Variants in EFNA5 observed in about 807,000 individuals in gnomAD.
The protein encoded by EFNA5 is ephrin-A5.
Under a neutral mutation model 22.9 loss-of-function variants are expected in EFNA5, and 5 were observed. The ratio of observed to expected loss-of-function variants is 0.22; its 90% confidence interval spans 0.11 to 0.46. EFNA5 has a LOEUF of 0.46. EFNA5 is among the 20% of genes least tolerant of loss of function. The probability of loss-of-function intolerance (pLI) is 0.99; values close to 1 mark genes in which losing one functional copy is unlikely to be tolerated. For synonymous variants in EFNA5, 113 were observed against 112.2 expected (o/e 1.01, Z -0.04); for missense variants, 237 against 293.3 (o/e 0.81, Z 1.40).
intron 1 of EFNA5, among the ~76,000 whole-genome samples, chr5:107,470,705 ATAAAC>A (rs1468674771): frequency 6.6e-6 from 1 of 152,158 alleles, no homozygotes; most frequent in Non-Finnish European, 1.5e-5. Flanking sequence ...CTGATAATGG[ATAAAC>A]TAAACTTTTT....
At chr5:107,586,630 C>G (rs1405021929) in intron 1 of EFNA5, among the ~76,000 whole-genome samples, 2 of 152,114 alleles carry the variant, frequency 1.3e-5, no homozygotes, top group Non-Finnish European at 2.9e-5. Flanking sequence ...CATTTAAAAT[C>G]CAAGGAGTGG....
At chr5:107,497,939 G>A (rs985542951) in intron 1 of EFNA5, among the ~76,000 whole-genome samples, 15 of 151,964 alleles carry the variant, frequency 9.9e-5, no homozygotes, top group Admixed American at 2.6e-4. Flanking sequence ...TTTTTGAGAC[G>A]GAGTCTCAAT....
intron 1 of EFNA5, among the ~76,000 whole-genome samples, chr5:107,448,226 G>C (rs1182406590): frequency 6.6e-6 from 1 of 152,248 alleles, no homozygotes; most frequent in Non-Finnish European, 1.5e-5. Flanking sequence ...TCATTAAGGA[G>C]TCTACTGCAT....
intron 1 of EFNA5, among the ~76,000 whole-genome samples, chr5:107,623,787 G>A (rs1666783590): frequency 6.6e-6 from 1 of 151,460 alleles, no homozygotes; most frequent in Admixed American, 6.6e-5. Context: ...CTAAGGATGT[G>A]CTAATTCTTT....
At chr5:107,444,909 C>T (rs1382620123) in intron 1 of EFNA5, among the ~76,000 whole-genome samples, 1 of 152,020 alleles carries the variant, frequency 6.6e-6, no homozygotes, top group East Asian at 1.9e-4. Context: ...TAAATGCTTA[C>T]CGTTTATGGG....
At chr5:107,633,484 C>T (rs984816124) in intron 1 of EFNA5, among the ~76,000 whole-genome samples, 6 of 152,252 alleles carry the variant, frequency 3.9e-5, no homozygotes, top group Non-Finnish European at 7.3e-5. Context: ...GCCGGGGCCC[C>T]GCGCCTCATG....
At chr5:107,474,634 T>C (rs1249257362) in intron 1 of EFNA5, among the ~76,000 whole-genome samples, 1 of 152,198 alleles carries the variant, frequency 6.6e-6, no homozygotes, top group Non-Finnish European at 1.5e-5. Flanking sequence ...GATGGCTTTA[T>C]CCTGTTGAAG....
chr5:107,535,596 T>G (rs571642775), intron 1 of EFNA5, among the ~76,000 whole-genome samples: 2 of 152,130 alleles, frequency 1.3e-5, no homozygotes, highest in Non-Finnish European at 2.9e-5. Context: ...AGAAACTATA[T>G]ATTCTTAAAT....
At chr5:107,480,122 C>T (rs1195850713) in intron 1 of EFNA5, among the ~76,000 whole-genome samples, 1 of 152,132 alleles carries the variant, frequency 6.6e-6, no homozygotes, top group African/African-American at 2.4e-5. Context: ...ATTTCCATGT[C>T]CCAAGTGCCC....
At chr5:107,514,760 A>T (rs1384608886) in intron 1 of EFNA5, among the ~76,000 whole-genome samples, 1 of 152,110 alleles carries the variant, frequency 6.6e-6, no homozygotes, top group African/African-American at 2.4e-5. Flanking sequence ...CTCTACAAGG[A>T]TTCTATGAGG....
chr5:107,447,856 TC>T (rs1403880109), intron 1 of EFNA5, among the ~76,000 whole-genome samples: 2 of 151,774 alleles, frequency 1.3e-5, no homozygotes, highest in African/African-American at 4.8e-5. Flanking sequence ...TCTTTTTATT[TC>T]CCCCCTCTGA....
intron 1 of EFNA5, among the ~76,000 whole-genome samples, chr5:107,490,114 A>C (rs1225389811): frequency 6.6e-6 from 1 of 152,168 alleles, no homozygotes; most frequent in Non-Finnish European, 1.5e-5. Context: ...AATTAATTCT[A>C]GGATTATGTT....
chr5:107,528,277 T>A (rs1023774647), intron 1 of EFNA5, among the ~76,000 whole-genome samples: 13 of 152,196 alleles, frequency 8.5e-5, no homozygotes, highest in Admixed American at 7.9e-4. Context: ...AAGAAGACCT[T>A]TGGTCCTTAC....
chr5:107,547,011 G>A (rs138848002), intron 1 of EFNA5, among the ~76,000 whole-genome samples: 313 of 152,274 alleles, frequency 2.1e-3, no homozygotes, highest in Non-Finnish European at 3.5e-3. Context: ...TGCAATGATG[G>A]ATGGAAGTAA....
chr5:107,419,432 G>A (rs999110956), intron 2 of EFNA5, among the ~76,000 whole-genome samples: 3 of 152,148 alleles, frequency 2.0e-5, no homozygotes, highest in Non-Finnish European at 4.4e-5. Context: ...ATAGAGACCC[G>A]ATATAATTCT....
intron 2 of EFNA5, among the ~76,000 whole-genome samples, chr5:107,415,806 G>A (rs1748489920): frequency 6.6e-6 from 1 of 152,222 alleles, no homozygotes; most frequent in Non-Finnish European, 1.5e-5. Context: ...GCAACAGCAA[G>A]TATAACTAAT....
At chr5:107,622,209 A>G (rs1324248964) in intron 1 of EFNA5, among the ~76,000 whole-genome samples, 1 of 152,176 alleles carries the variant, frequency 6.6e-6, no homozygotes, top group Non-Finnish European at 1.5e-5. Flanking sequence ...TGATGTCTGG[A>G]GCCCAAGCAG....
chr5:107,525,418 C>A (rs556350859), intron 1 of EFNA5, among the ~76,000 whole-genome samples: 2 of 152,196 alleles, frequency 1.3e-5, no homozygotes, highest in Admixed American at 6.5e-5. Context: ...CCATGAGCAC[C>A]TTACATTTGA....
At chr5:107,434,932 T>C (rs904745780) in intron 1 of EFNA5, among the ~76,000 whole-genome samples, 3 of 152,220 alleles carry the variant, frequency 2.0e-5, no homozygotes, top group African/African-American at 7.2e-5. Flanking sequence ...TATTACATTC[T>C]GAAATTGAAA....
Sources: allele counts gnomAD v4.1 joint callset (sites outside exome capture counted in the v4.1 genomes callset), GRCh38; gene constraint gnomAD v4.1.1; transcripts MANE v1.5; gene names NCBI Gene and HGNC (gene_info 2026-07-23, HGNC 2026-07-21).